UGT1A8: variants seen among roughly 807,000 people sequenced by gnomAD.
UGT1A8 encodes the protein UDP glucuronosyltransferase family 1 member A8.
In UGT1A8, 39 loss-of-function variants were observed where a neutral mutation model predicts 45.3. The ratio of observed to expected loss-of-function variants is 0.86; its 90% CI spans 0.67 to 1.12. The LOEUF is 1.12. Ranked by LOEUF, UGT1A8 falls within the 50% of genes most tolerant of loss-of-function variation. UGT1A8 has a pLI of 0.00. For missense variants in UGT1A8, 719 were observed against 664.9 expected, an observed-to-expected ratio of 1.08 and a Z score of -0.90; for synonymous variants, 275 against 249.2, an observed-to-expected ratio of 1.10 and a Z score of -0.97.
chr2:233,663,160 G>A (rs2074008885), intron 1 of UGT1A8, among the ~76,000 whole-genome samples: 1 of 152,054 alleles, frequency 6.6e-6, no homozygotes, highest in African/African-American at 2.4e-5. Context: ...CCAAGCCCTG[G>A]TGTAACCACC....
At chr2:233,691,252 A>G in intron 1 of UGT1A8, 1 of 985,544 alleles carries the variant, frequency 1.0e-6, no homozygotes, top group South Asian at 4.7e-5. Context: ...ATGAACTCAA[A>G]GCAAGATGCT....
chr2:233,627,863 A>G (rs1179400680), intron 1 of UGT1A8, among the ~76,000 whole-genome samples: 1 of 152,058 alleles, frequency 6.6e-6, no homozygotes, highest in African/African-American at 2.4e-5. Context: ...CTGTAGTCCC[A>G]TGACTGTATT....
At chr2:233,647,548 A>G (rs1331404418) in intron 1 of UGT1A8, among the ~76,000 whole-genome samples, 2 of 152,226 alleles carry the variant, frequency 1.3e-5, no homozygotes, top group African/African-American at 4.8e-5. Flanking sequence ...TGAAGTCAAA[A>G]TTCAATTTGA....
chr2:233,681,908 C>T, intron 1 of UGT1A8: 1 of 1,598,330 alleles, frequency 6.3e-7, no homozygotes, highest in Non-Finnish European at 8.5e-7. Context: ...CTTAGAATCC[C>T]AGCTGCTGGC....
intron 1 of UGT1A8, among the ~76,000 whole-genome samples, chr2:233,758,427 TCA>T (rs1169945627): frequency 6.6e-6 from 1 of 152,228 alleles, no homozygotes; most frequent in Non-Finnish European, 1.5e-5. Context: ...GCAAATGAAC[TCA>T]CACAGCATTG....
At chr2:233,681,360 C>T (rs1395984620) in intron 1 of UGT1A8, among the ~76,000 whole-genome samples, 1 of 151,620 alleles carries the variant, frequency 6.6e-6, no homozygotes, top group Non-Finnish European at 1.5e-5. Context: ...ATGGTGAAAC[C>T]CCGTCTCCAC....
intron 1 of UGT1A8, among the ~76,000 whole-genome samples, chr2:233,707,432 T>G (rs1189246042): frequency 6.6e-6 from 1 of 152,200 alleles, no homozygotes; most frequent in African/African-American, 2.4e-5. Context: ...TCTTTGCTTT[T>G]CTTTACAATT....
chr2:233,695,130 C>CTTTCTTTTTTTT (rs1364557158), intron 1 of UGT1A8, among the ~76,000 whole-genome samples: 3 of 138,838 alleles, frequency 2.2e-5, no homozygotes, highest in Admixed American at 7.1e-5. Flanking sequence ...CTTTTCTTTT[C>CTTTCTTTTTTTT]TTTTTTTTTT....
intron 1 of UGT1A8, chr2:233,689,935 C>T: frequency 2.2e-6 from 1 of 456,550 alleles, no homozygotes; most frequent in Non-Finnish European, 4.4e-6. Context: ...TCGAAAGAAC[C>T]CAAGATTTTC....
intron 1 of UGT1A8, among the ~76,000 whole-genome samples, chr2:233,741,179 T>C (rs1691582575): frequency 6.6e-6 from 1 of 151,930 alleles, no homozygotes; most frequent in Non-Finnish European, 1.5e-5. Flanking sequence ...AAACTGAACT[T>C]GTGTTTGCTT....
chr2:233,723,990 T>G, intron 1 of UGT1A8, among the ~76,000 whole-genome samples: 1 of 68,950 alleles, frequency 1.5e-5, no homozygotes, highest in South Asian at 6.4e-4. Context: ...TTTCCCGCCT[T>G]TCTATTCCAC....
At chr2:233,717,850 A>G (rs2076611258) in intron 1 of UGT1A8, 2 of 454,974 alleles carry the variant, frequency 4.4e-6, no homozygotes, top group African/African-American at 4.0e-5. Flanking sequence ...TCTTATCAGA[A>G]CTTGGTGCTG....
At chr2:233,747,199 G>C in intron 1 of UGT1A8, 1 of 1,604,214 alleles carries the variant, frequency 6.2e-7, no homozygotes, top group African/African-American at 1.3e-5. Context: ...TCAGCTGTCC[G>C]TGTCTTCTGC....
At chr2:233,705,779 T>C (rs1396486020) in intron 1 of UGT1A8, among the ~76,000 whole-genome samples, 2 of 152,210 alleles carry the variant, frequency 1.3e-5, no homozygotes, top group African/African-American at 2.4e-5. Context: ...AGTGTCTTAG[T>C]GCAAAATGCC....
At chr2:233,746,880 G>A (rs561454270) in intron 1 of UGT1A8, among the ~76,000 whole-genome samples, 1 of 151,926 alleles carries the variant, frequency 6.6e-6, no homozygotes, top group South Asian at 2.1e-4. Flanking sequence ...GTGGTTAACA[G>A]AGAAGTAGGA....
chr2:233,672,821 T>C (rs775621184), intron 1 of UGT1A8: 18 of 1,577,184 alleles, frequency 1.1e-5, no homozygotes, highest in Non-Finnish European at 8.6e-6. Flanking sequence ...ACCTTAAGAA[T>C]ACTTCACCTT....
chr2:233,732,934 A>G (rs1157775359), intron 1 of UGT1A8, among the ~76,000 whole-genome samples: 1 of 152,018 alleles, frequency 6.6e-6, no homozygotes, highest in Non-Finnish European at 1.5e-5. Context: ...GATTCTTCCT[A>G]TCCATGAGCA....
intron 1 of UGT1A8, chr2:233,713,844 A>G: frequency 1.2e-6 from 2 of 1,614,060 alleles, no homozygotes; most frequent in Non-Finnish European, 1.7e-6. Context: ...TGCCAACGGG[A>G]AGCCACTATC....
chr2:233,705,222 A>T (rs1400550226), intron 1 of UGT1A8, among the ~76,000 whole-genome samples: 1 of 152,060 alleles, frequency 6.6e-6, no homozygotes, highest in East Asian at 1.9e-4. Context: ...TACTATTATC[A>T]GTGCTTTTTT....
Sources: allele counts gnomAD v4.1 joint callset (sites outside exome capture counted in the v4.1 genomes callset), GRCh38; gene constraint gnomAD v4.1.1; transcripts MANE v1.5; gene names NCBI Gene and HGNC (gene_info 2026-07-23, HGNC 2026-07-21).